Variants in CEMIP2 observed in about 807,000 individuals in gnomAD.
CEMIP2 encodes the protein cell surface hyaluronidase CEMIP2.
A neutral mutation model predicts 146.9 loss-of-function variants in CEMIP2; 79 were observed. The ratio of observed to expected loss-of-function variants is 0.54; its 90% CI spans 0.45 to 0.65. The LOEUF (loss-of-function observed/expected upper bound fraction) is 0.65. CEMIP2 is among the 30% of genes least tolerant of loss of function. The probability of loss-of-function intolerance (pLI) is 0.00; values close to 1 mark genes in which losing one functional copy is unlikely to be tolerated. For synonymous variants in CEMIP2, 601 were observed against 606.3 expected (o/e 0.99, Z 0.13); for missense variants, 1,596 against 1,696.2 (o/e 0.94, Z 1.04).
At position 71,695,702 on chromosome 9, in the gene CEMIP2, G is replaced by A. The variant is rs1037244004; in HGVS notation, c.3598-1095C>T. ...AAAAACAAAAAACAAAAAATAAACA[G>A]TCAAAATGATCCCAAGTCGGAAGCT... is the stretch of plus-strand genomic sequence containing the variant. On this transcript the variant is annotated intron_variant, in intron 20 of 23. Transcript: ENST00000377044. Among the ~76,000 whole-genome samples the A allele has an allele frequency of 2.0e-5, 3 of 152,018 alleles. No individual in the cohort carries two copies. In the East Asian group the frequency reaches 5.8e-4, roughly 29 times the overall value.
At chr9:71,697,635 T>C (rs1469649461) in intron 20 of CEMIP2, among the ~76,000 whole-genome samples, 1 of 152,198 alleles carries the variant, frequency 6.6e-6, no homozygotes, top group Non-Finnish European at 1.5e-5. Context: ...AAACAAAGTA[T>C]CTTTTTTACA....
chr9:71,726,039 C>A (rs1260946012), intron 10 of CEMIP2, among the ~76,000 whole-genome samples: 1 of 152,130 alleles, frequency 6.6e-6, no homozygotes, highest in South Asian at 2.1e-4. Flanking sequence ...TTCCATGTAA[C>A]CAAGACAGCA....
chr9:71,702,706 A>T (rs1336627412), intron 18 of CEMIP2, among the ~76,000 whole-genome samples: 3 of 152,320 alleles, frequency 2.0e-5, no homozygotes, highest in East Asian at 3.9e-4. Flanking sequence ...ATTGAGGGGT[A>T]AAAAATTGTC....
chr9:71,732,661 G>A, intron 6 of CEMIP2, 141 bp from the exon 7 acceptor site: 1 of 345,310 alleles, frequency 2.9e-6, no homozygotes, highest in Non-Finnish European at 4.5e-6. Context: ...TGACACTTCA[G>A]AATCAGAATC....
In CEMIP2 at chr9:71,745,254, G is replaced by A; in HGVS notation, c.798C>T (p.Gly266=). The A allele has an allele frequency of 1.2e-6, 2 of 1,613,942 alleles. No homozygotes were observed. The highest frequency in any genetic ancestry group is 1.7e-5 in the Admixed American group (1 of 59,970). ...CTTGGTCAATGACCCTCACATTGAG[G>A]CCCCGGGAAAAGTCCTTTTCAAAGG... ...SYTFEKDFSR[G]LNVRVIDQDT... is the part of the protein sequence containing the mutation. Residue 266 remains glycine (G), a synonymous_variant, in exon 4 of 24, where the codon GGC becomes GGT. Transcript: ENST00000377044.
At position 71,709,514 on chromosome 9, in the gene CEMIP2, C is replaced by T. The variant is rs1424140862; in HGVS notation, c.2770-40G>A. ...AAAGAAAGACATCACAAAGTGAGGG[C>T]TCCTGCTATCTCAGCATCCCCTGCA... On this transcript the variant is annotated intron_variant, in intron 16 of 23. Coordinates refer to ENST00000377044, the MANE Select transcript of CEMIP2 (RefSeq NM_013390.3). 21 of 1,543,692 alleles carry T rather than the reference C, an allele frequency of 1.4e-5. No homozygotes were observed. In the East Asian group the frequency reaches 4.5e-4, roughly 33 times the overall value.
chr9:71,768,233 C>A (rs1824859932), intron 1 of CEMIP2, 124 bp downstream of exon 1: 1 of 151,024 alleles, frequency 6.6e-6, no homozygotes, highest in African/African-American at 2.4e-5. Flanking sequence ...AACGCCGGAG[C>A]CGGCCAGGCC....
chr9:71,697,556 A>C (rs1450987180), intron 20 of CEMIP2, among the ~76,000 whole-genome samples: 2 of 152,182 alleles, frequency 1.3e-5, no homozygotes, highest in Admixed American at 6.5e-5. Context: ...GCGGATTTCC[A>C]CCTTATAAAA....
At position 71,745,120 on chromosome 9, in the gene CEMIP2, G is replaced by A. The variant is rs1383887362; in HGVS notation, c.932C>T (p.Ala311Val). ...LRFQDPGRIV[A>V]IAVGDSAAKS... Reference sequence around the variant, plus strand: ...AGCGGCTGAATCCCCGACAGCTATGGCAACAATCCGACCTGGATCCTGGAA... The same window carrying A: ...AGCGGCTGAATCCCCGACAGCTATGACAACAATCCGACCTGGATCCTGGAA... Residue 311 changes from alanine to valine, a missense_variant, in exon 4 of 24, where the codon GCC becomes GTC. Ala to Val is a moderately conservative substitution (Grantham distance 64, BLOSUM62 0). Coordinates refer to ENST00000377044, the MANE Select transcript of CEMIP2 (RefSeq NM_013390.3). 5 of 1,613,994 alleles carry A rather than the reference G, an allele frequency of 3.1e-6. No individual in the cohort carries two copies. The highest frequency in any genetic ancestry group is 4.2e-6 in the Non-Finnish European group (5 of 1,180,014).
intron 14 of CEMIP2, among the ~76,000 whole-genome samples, chr9:71,715,625 GATATATATAT>G (rs71790721): frequency 1.7e-5 from 2 of 119,068 alleles, no homozygotes; most frequent in East Asian, 2.7e-4. Context: ...TCCCTCTTAA[GATATATATAT>G]ATATATATAT....
rs1484660069 is a variant in CEMIP2, at chr9:71,730,686, C to T, written c.1773+19G>A. 1.3e-5 allele frequency: 21 copies of T among 1,612,664 alleles called. No individual in the cohort carries two copies. The highest frequency in any genetic ancestry group is 1.7e-5 in the Non-Finnish European group (20 of 1,178,888). The stretch of plus-strand genomic sequence containing the variant: ...AACTATTTCAATAATATGGGTTGAC[C>T]TAATGCGAGGCTACTTACTAGCAAG... On this transcript the variant is annotated intron_variant, in intron 8 of 23. Coordinates refer to ENST00000377044, the MANE Select transcript of CEMIP2 (RefSeq NM_013390.3).
intron 2 of CEMIP2, among the ~76,000 whole-genome samples, chr9:71,749,714 A>G (rs1210525062): frequency 1.3e-5 from 2 of 152,118 alleles, no homozygotes; most frequent in Non-Finnish European, 2.9e-5. Flanking sequence ...AAAAAAAGAA[A>G]AAAAGAAAAA....
chr9:71,722,414 G>A lies in CEMIP2; in HGVS notation c.2267+13C>T, dbSNP rs187725737. 1.9e-6 allele frequency: 3 copies of A among 1,603,016 alleles called. No individual in the cohort carries two copies. The highest frequency in any genetic ancestry group is 2.7e-5 in the African/African-American group (2 of 74,578). Reference sequence around the variant, plus strand: ...AGTATAGCTTGAGTGTGACTTAAAAGAGCCAGCTTTACCTTGCACTATTGT... The same window carrying A: ...AGTATAGCTTGAGTGTGACTTAAAAAAGCCAGCTTTACCTTGCACTATTGT... On this transcript the variant is annotated intron_variant, in intron 12 of 23. Transcript: ENST00000377044.
rs71353512 is a variant in CEMIP2 at position 71,728,275 on chromosome 9, A to ACGTATATATATATATACGTG, written c.2049+1569_2049+1570insCACGTATATATATATATACG. ...TGTATATACACGTATATATATATAT[A>ACGTATATATATATATACGTG]TATATGTATATATATATATATATAT... On this transcript the variant is annotated intron_variant, in intron 10 of 23. Coordinates refer to ENST00000377044, the MANE Select transcript of CEMIP2 (RefSeq NM_013390.3). Among the ~76,000 whole-genome samples the ACGTATATATATATATACGTG allele has an allele frequency of 1.6e-4, 2 of 12,716 alleles. 1 individual carries two copies. 8.3% of individuals were successfully genotyped at this position (12,716 alleles called of 152,430 possible).
In CEMIP2 at chr9:71,728,280, T is replaced by TATATATAC. The variant is rs1491467360; in HGVS notation, c.2049+1564_2049+1565insGTATATAT. Among the ~76,000 whole-genome samples, 11 of 12,652 alleles carry TATATATAC rather than the reference T, an allele frequency of 8.7e-4. 1 individual carries two copies. Among genetic ancestry groups the TATATATAC allele is most frequent in the South Asian group, 6.7e-3 (2 of 298 alleles). The allele number at this position is 12,652 out of a possible 152,430, so 8.3% of individuals were successfully genotyped here. A position where few individuals can be genotyped will look rare whatever the true frequency, so the allele number is the denominator to read the frequency against. ...ATACACGTATATATATATATATATATGTATATATATATATATATATACATA... is the reference window on the plus strand; with the variant it reads ...ATACACGTATATATATATATATATATATATATACGTATATATATATATATATATACATA... On this transcript the variant is annotated intron_variant, in intron 10 of 23. Transcript: ENST00000377044.
In CEMIP2 at chr9:71,700,683, T is replaced by C. The variant is rs1332284448; in HGVS notation, c.3336A>G (p.Arg1112=). 6.2e-7 allele frequency: 1 copy of C among 1,609,914 alleles called. No homozygotes were observed. The highest frequency in any genetic ancestry group is 8.5e-7 in the Non-Finnish European group (1 of 1,178,812). Reference sequence around the variant, plus strand: ...AATAGAATTTCCTCTCGGATTGCTTTCTTTGCAGTTCTTCCAGTGAATGCA... The same window carrying C: ...AATAGAATTTCCTCTCGGATTGCTTCCTTTGCAGTTCTTCCAGTGAATGCA... ...EPVHSLEELQ[R]KQSERKFYFD... is the part of the protein sequence containing the mutation. Residue 1112 remains arginine (R), a synonymous_variant, in exon 19 of 24, where the codon AGA becomes AGG. Transcript: ENST00000377044.
chr9:71,748,933 A>T (rs1824167098), intron 2 of CEMIP2, among the ~76,000 whole-genome samples: 1 of 152,210 alleles, frequency 6.6e-6, no homozygotes, highest in Non-Finnish European at 1.5e-5. Flanking sequence ...TTAAGGAAGC[A>T]TTTAACTTGA....
intron 1 of CEMIP2, among the ~76,000 whole-genome samples, chr9:71,764,315 T>C (rs1053993483): frequency 6.6e-6 from 1 of 152,010 alleles, no homozygotes; most frequent in Non-Finnish European, 1.5e-5. Flanking sequence ...GCCTTAAACC[T>C]GAAAGCAGTG....
intron 6 of CEMIP2, 130 bp downstream of exon 6, chr9:71,734,676 A>T: frequency 1.3e-6 from 1 of 751,520 alleles, no homozygotes; most frequent in Admixed American, 3.0e-5. Flanking sequence ...CACTGCTATG[A>T]CTTTCAATAC....
Sources: gnomAD v4.1 joint callset for allele counts (sites outside exome capture counted in the v4.1 genomes callset) on GRCh38, gnomAD v4.1.1 for gene constraint, MANE v1.5 for transcripts, NCBI Gene and HGNC (gene_info 2026-07-23, HGNC 2026-07-21) for gene names.